The following MICU1 variants were observed in gnomAD, a reference collection of about 807,000 sequenced individuals.
The protein encoded by MICU1 is mitochondrial calcium uptake 1, also known as calcium uptake protein 1, mitochondrial.
MICU1 carries 45 observed loss-of-function variants against 56.8 expected under a neutral mutation model. That is an observed-to-expected ratio of 0.79 (90% CI 0.62 to 1.02). The LOEUF (loss-of-function observed/expected upper bound fraction) is 1.02, where lower values mean the gene tolerates loss of function less well. MICU1 is among the 50% of genes least tolerant of loss of function. The probability of loss-of-function intolerance (pLI) is 0.00; values close to 1 mark genes in which losing one functional copy is unlikely to be tolerated. For missense variants in MICU1, 504 were observed against 587.1 expected, an observed-to-expected ratio of 0.86 and a Z score of 1.46; for synonymous variants, 186 against 195.1, an observed-to-expected ratio of 0.95 and a Z score of 0.39.
At chr10:72,619,376 C>T (rs150206520) in intron 1 of MICU1, among the ~76,000 whole-genome samples, 151 of 152,258 alleles carry the variant, frequency 9.9e-4, no homozygotes, top group African/African-American at 3.2e-3. Flanking sequence ...ACCCAGGAGG[C>T]GGGGTTTGCA....
intron 4 of MICU1, among the ~76,000 whole-genome samples, chr10:72,537,994 G>A (rs1245271741): frequency 9.9e-5 from 15 of 152,090 alleles, no homozygotes; most frequent in Admixed American, 9.8e-4. Context: ...AGGGTGCTGT[G>A]GGAGTTCTGA....
chr10:72,373,154 C>T (rs1862402586), intron 11 of MICU1, among the ~76,000 whole-genome samples: 2 of 151,402 alleles, frequency 1.3e-5, no homozygotes, highest in Non-Finnish European at 2.9e-5. Flanking sequence ...AATTCTCCAT[C>T]CCCTGGCACT....
chr10:72,582,895 G>C (rs1253101602), intron 1 of MICU1: 1 of 152,078 alleles, frequency 6.6e-6, no homozygotes, highest in African/African-American at 2.4e-5. Context: ...GCTATAGTGT[G>C]CTACATGACC....
At chr10:72,514,911 C>G (rs1011517777) in intron 5 of MICU1, among the ~76,000 whole-genome samples, 2 of 152,172 alleles carry the variant, frequency 1.3e-5, no homozygotes, top group Admixed American at 1.3e-4. Flanking sequence ...TCTTCCTTCC[C>G]AGGCTATTTG....
intron 10 of MICU1, among the ~76,000 whole-genome samples, chr10:72,383,739 G>A (rs944065073): frequency 6.6e-6 from 1 of 152,124 alleles, no homozygotes; most frequent in Non-Finnish European, 1.5e-5. Context: ...GAGAGTAACT[G>A]ATATATTTAA....
At chr10:72,391,844 T>C (rs568597977) in intron 10 of MICU1, 14 of 152,330 alleles carry the variant, frequency 9.2e-5, no homozygotes, top group African/African-American at 3.4e-4. Context: ...TAAGCCTTTT[T>C]TGGTCAACAG....
chr10:72,397,291 A>G (rs978518910), intron 10 of MICU1, among the ~76,000 whole-genome samples: 2 of 152,212 alleles, frequency 1.3e-5, no homozygotes, highest in Non-Finnish European at 2.9e-5. Flanking sequence ...AGCACTAAAC[A>G]TGGAAAGAAA....
rs78756590 is a variant in MICU1 at position 72,542,823 on chromosome 10, G to A, written c.493+8356C>T. Among the ~76,000 whole-genome samples the A allele has an allele frequency of 8.2e-3, 1,248 of 152,288 alleles. 15 individuals are homozygous for A. The highest frequency in any genetic ancestry group is 0.028 in the African/African-American group (1,170 of 41,562). ...GTGTCCAGGAAAATTGAGGTCGCAC[G>A]AACAAATTGAAAGATGGTGAATGCA... is the stretch of plus-strand genomic sequence containing the variant. On this transcript the variant is annotated intron_variant, in intron 4 of 11. Coordinates refer to ENST00000361114, the MANE Select transcript of MICU1 (RefSeq NM_001195518.2).
chr10:72,523,859 T>C (rs1867893418), intron 5 of MICU1: 2 of 1,525,958 alleles, frequency 1.3e-6, no homozygotes, highest in Non-Finnish European at 1.8e-6. Context: ...ATTCTTTTCA[T>C]GGTTTTCTCC....
At chr10:72,473,969 AAG>A (rs1329750704) in intron 8 of MICU1, among the ~76,000 whole-genome samples, 1 of 152,062 alleles carries the variant, frequency 6.6e-6, no homozygotes, top group South Asian at 2.1e-4. Flanking sequence ...TTAAAAGAAA[AAG>A]AGAGGCCGGG....
intron 8 of MICU1, among the ~76,000 whole-genome samples, chr10:72,454,032 C>T (rs928256928): frequency 7.9e-5 from 12 of 151,722 alleles, no homozygotes; most frequent in Non-Finnish European, 1.2e-4. Flanking sequence ...GATGGGATTT[C>T]GCCATGTTGG....
chr10:72,387,554 A>G (rs1353046334), intron 10 of MICU1, among the ~76,000 whole-genome samples: 1 of 152,186 alleles, frequency 6.6e-6, no homozygotes, highest in Non-Finnish European at 1.5e-5. Flanking sequence ...GGGGTTAGAT[A>G]TTCCTAGGAA....
At chr10:72,593,455 T>C (rs563935718) in intron 1 of MICU1, among the ~76,000 whole-genome samples, 2 of 149,496 alleles carry the variant, frequency 1.3e-5, no homozygotes, top group Non-Finnish European at 1.5e-5. Flanking sequence ...ACCTGGGAGA[T>C]GGAGGTTGTA....
At chr10:72,421,385 C>T (rs1018247905) in intron 9 of MICU1, among the ~76,000 whole-genome samples, 1 of 152,154 alleles carries the variant, frequency 6.6e-6, no homozygotes, top group Non-Finnish European at 1.5e-5. Flanking sequence ...AGCGATTCTC[C>T]TGCCTCAGCC....
Position 72,375,701 on chromosome 10 carries a change from G to A in MICU1, c.1270+82C>T, listed in dbSNP as rs554675886. ...GAGGATGGGCTGGTACACAGATGCTGTCCGCAAGGCTCCATTATACACAAG... is the reference window on the plus strand; with the variant it reads ...GAGGATGGGCTGGTACACAGATGCTATCCGCAAGGCTCCATTATACACAAG... On this transcript the variant is annotated intron_variant, in intron 11 of 11. Transcript: ENST00000361114. 3.9e-4 allele frequency: 500 copies of A among 1,293,738 alleles called. 1 individual carries two copies. Among genetic ancestry groups the A allele is most frequent in the Non-Finnish European group, 5.1e-4 (480 of 933,974 alleles). 80.1% of individuals were successfully genotyped at this position (1,293,738 alleles called of 1,614,324 possible).
intron 1 of MICU1, among the ~76,000 whole-genome samples, chr10:72,621,581 A>T (rs916632935): frequency 6.6e-6 from 1 of 152,200 alleles, no homozygotes; most frequent in Non-Finnish European, 1.5e-5. Context: ...CAAGTATTTA[A>T]TCATATCCAC....
At chr10:72,527,189 C>T (rs1173342969) in intron 5 of MICU1, among the ~76,000 whole-genome samples, 4 of 151,920 alleles carry the variant, frequency 2.6e-5, no homozygotes, top group African/African-American at 9.7e-5. Flanking sequence ...AAACAAACAT[C>T]AAGGTTTTTT....
chr10:72,439,217 T>G (rs993488328), intron 8 of MICU1, among the ~76,000 whole-genome samples: 4 of 152,202 alleles, frequency 2.6e-5, no homozygotes, highest in African/African-American at 9.6e-5. Context: ...CAAGTTGGCT[T>G]CATCCCTGGG....
At chr10:72,399,875 T>C (rs1193943759) in intron 10 of MICU1, among the ~76,000 whole-genome samples, 1 of 151,490 alleles carries the variant, frequency 6.6e-6, no homozygotes, top group Non-Finnish European at 1.5e-5. Flanking sequence ...GGAGAATCGC[T>C]TGAGCCCAGG....
Sources: gnomAD v4.1 joint callset for allele counts (sites outside exome capture counted in the v4.1 genomes callset) on GRCh38, gnomAD v4.1.1 for gene constraint, MANE v1.5 for transcripts, NCBI Gene and HGNC (gene_info 2026-07-23, HGNC 2026-07-21) for gene names.